CCDC88C: variants seen among roughly 807,000 people sequenced by gnomAD.
CCDC88C encodes the protein coiled-coil and HOOK domain protein 88C.
A neutral mutation model predicts 198.8 loss-of-function variants in CCDC88C; 131 were observed. The observed-to-expected ratio is 0.66, with a 90% CI of 0.57 to 0.76. The LOEUF is 0.76. CCDC88C is among the 30% of genes least tolerant of loss of function. The pLI is 0.00. For missense variants in CCDC88C, 2,553 were observed against 2,631.6 expected (o/e 0.97, Z 0.65); for synonymous variants, 1,166 against 1,114.7 (o/e 1.05, Z -0.92).
intron 3 of CCDC88C, among the ~76,000 whole-genome samples, chr14:91,384,782 C>T (rs1885025885): frequency 6.6e-6 from 1 of 152,166 alleles, no homozygotes; most frequent in Non-Finnish European, 1.5e-5. Context: ...TGCTGCTGGA[C>T]TCCGGATCCT....
At chr14:91,374,358 A>G (rs548499696) in intron 3 of CCDC88C, among the ~76,000 whole-genome samples, 83 of 152,342 alleles carry the variant, frequency 5.4e-4, no homozygotes, top group Middle Eastern at 3.4e-3. Context: ...TTTGATCAAT[A>G]GGTATTTTTC....
intron 15 of CCDC88C, 63 bp from the exon 16 acceptor site, chr14:91,310,049 C>T: frequency 6.8e-7 from 1 of 1,469,364 alleles, no homozygotes; most frequent in Non-Finnish European, 9.1e-7. Flanking sequence ...AGGCCAGGCG[C>T]CAGTCCCGCC....
intron 24 of CCDC88C, among the ~76,000 whole-genome samples, chr14:91,290,281 C>G (rs1890604918): frequency 6.6e-6 from 1 of 152,116 alleles, no homozygotes; most frequent in Non-Finnish European, 1.5e-5. Flanking sequence ...CAAAACAAAA[C>G]AAAACAAAAC....
intron 4 of CCDC88C, among the ~76,000 whole-genome samples, chr14:91,356,588 A>G (rs1819263643): frequency 6.6e-6 from 1 of 152,100 alleles, no homozygotes; most frequent in Non-Finnish European, 1.5e-5. Flanking sequence ...TAAAAACTGA[A>G]TTGTGGTTAG....
chr14:91,384,271 CTCTTTTT>C (rs928925900), intron 3 of CCDC88C: 17 of 298,896 alleles, frequency 5.7e-5, no homozygotes, highest in East Asian at 2.4e-4. Flanking sequence ...ACCCCCATCT[CTCTTTTT>C]TTTTTTTTTT....
chr14:91,345,296 G>A (rs1482085683), intron 4 of CCDC88C, among the ~76,000 whole-genome samples: 2 of 146,888 alleles, frequency 1.4e-5, no homozygotes, highest in Non-Finnish European at 3.0e-5. Context: ...GGGTTCAAGC[G>A]ATTCTCCTGC....
intron 4 of CCDC88C, among the ~76,000 whole-genome samples, chr14:91,353,113 G>A (rs758145685): frequency 1.1e-4 from 17 of 152,182 alleles, no homozygotes; most frequent in Admixed American, 3.3e-4. Context: ...TAAATTCCAA[G>A]GAGTTTCAGG....
At chr14:91,413,254 G>A (rs1886878783) in intron 2 of CCDC88C, among the ~76,000 whole-genome samples, 1 of 152,148 alleles carries the variant, frequency 6.6e-6, no homozygotes, top group Non-Finnish European at 1.5e-5. Context: ...GGCCTCATCT[G>A]CACAATGATA....
chr14:91,363,138 A>C (rs1322498565), intron 3 of CCDC88C, among the ~76,000 whole-genome samples: 1 of 152,216 alleles, frequency 6.6e-6, no homozygotes, highest in Non-Finnish European at 1.5e-5. Context: ...TACATAATTG[A>C]GACACATTAA....
chr14:91,273,759 G>A lies in CCDC88C; in HGVS notation c.5059-106C>T, dbSNP rs139128801. ...CCGAGCAGCCCACGTGGCTGGGACC[G>A]CAGTTCCTGCCTGCCTTCTCCGAGG... is the stretch of plus-strand genomic sequence containing the variant. On this transcript the variant is annotated intron_variant, in intron 29 of 29. Transcript: ENST00000389857. The surrounding 1 kb of genome is among the most constrained non-coding windows in gnomAD (Gnocchi z 5.6). 4.7e-5 allele frequency: 45 copies of A among 955,510 alleles called. No homozygotes were observed. The East Asian group carries it at 8.7e-4, about 19-fold the overall frequency. 59.2% of individuals were successfully genotyped at this position (955,510 alleles called of 1,614,324 possible). A position where few individuals can be genotyped will look rare whatever the true frequency, so the allele number is the denominator to read the frequency against.
intron 13 of CCDC88C, 70 bp from the exon 14 acceptor site, chr14:91,315,857 A>T: frequency 6.6e-7 from 1 of 1,522,326 alleles, no homozygotes; most frequent in Non-Finnish European, 8.9e-7. Flanking sequence ...TTAAAACAAA[A>T]CAGAAACCAC....
intron 19 of CCDC88C, among the ~76,000 whole-genome samples, chr14:91,305,100 A>G (rs1318783387): frequency 6.6e-6 from 1 of 152,144 alleles, no homozygotes; most frequent in Non-Finnish European, 1.5e-5. Flanking sequence ...AAATTAGCCA[A>G]GGCACAAGAA....
At chr14:91,349,888 TAAAATGTGCA>T (rs916638600) in intron 4 of CCDC88C, among the ~76,000 whole-genome samples, 3 of 152,220 alleles carry the variant, frequency 2.0e-5, no homozygotes, top group African/African-American at 4.8e-5. Context: ...CACCATCCTC[TAAAATGTGCA>T]TTATATCAAG....
intron 13 of CCDC88C, among the ~76,000 whole-genome samples, chr14:91,318,036 T>G (rs1159691125): frequency 6.6e-6 from 1 of 152,324 alleles, no homozygotes; most frequent in Non-Finnish European, 1.5e-5. Context: ...GGTTCTCATC[T>G]TCCTAAAGGG....
At chr14:91,376,992 G>GCC (rs947293270) in intron 3 of CCDC88C, among the ~76,000 whole-genome samples, 1 of 66,750 alleles carries the variant, frequency 1.5e-5, no homozygotes, top group African/African-American at 5.8e-5. Context: ...CTGCCTGCCC[G>GCC]CCCCCCCTCC....
At chr14:91,330,867 G>T (rs375674801) in intron 10 of CCDC88C, among the ~76,000 whole-genome samples, 5 of 152,134 alleles carry the variant, frequency 3.3e-5, no homozygotes, top group African/African-American at 4.8e-5. Context: ...GTGGGCTAAG[G>T]GAAGGCGGCA....
At position 91,416,842 on chromosome 14, in the gene CCDC88C, C is replaced by A. The variant is rs1887085397; in HGVS notation, c.61-4G>T. ...CAAACGGGCCAAAAGTTTTCACCTG[C>A]GGGGAGGGGGACGAGGAGAGAAAGA... On this transcript the variant is annotated splice_region_variant and splice_polypyrimidine_tract_variant and intron_variant, in intron 1 of 29. Transcript: ENST00000389857. 1.2e-6 allele frequency: 2 copies of A among 1,606,236 alleles called. No individual in the cohort carries two copies. The highest frequency in any genetic ancestry group is 1.7e-6 in the Non-Finnish European group (2 of 1,174,128).
intron 4 of CCDC88C, among the ~76,000 whole-genome samples, chr14:91,356,395 C>G (rs753380377): frequency 6.6e-6 from 1 of 152,164 alleles, no homozygotes; most frequent in Non-Finnish European, 1.5e-5. Flanking sequence ...GCCCTCTGAG[C>G]CCTCGGTGAT....
chr14:91,317,279 C>T (rs1892143337), intron 13 of CCDC88C, among the ~76,000 whole-genome samples: 1 of 152,246 alleles, frequency 6.6e-6, no homozygotes, highest in Admixed American at 6.5e-5. Context: ...AGCAAGCGTG[C>T]AGCCTGGGCT....
Sources: gnomAD v4.1 joint callset for allele counts (sites outside exome capture counted in the v4.1 genomes callset) on GRCh38, gnomAD v4.1.1 for gene constraint, Gnocchi (gnomAD v3.1) non-coding constraint, MANE v1.5 for transcripts, NCBI Gene and HGNC (gene_info 2026-07-23, HGNC 2026-07-21) for gene names.